PTPRG: variants seen among roughly 807,000 people sequenced by gnomAD.
The protein encoded by PTPRG is receptor-type tyrosine-protein phosphatase gamma.
A neutral mutation model predicts 165.3 loss-of-function variants in PTPRG; 102 were observed. That is an observed-to-expected ratio of 0.62 (90% CI 0.53 to 0.73). The LOEUF (loss-of-function observed/expected upper bound fraction) is 0.73. Ranked by LOEUF, PTPRG falls within the 30% of genes least tolerant of loss-of-function variation. The pLI, the probability that PTPRG is intolerant of heterozygous loss-of-function variation, is 0.00. For missense variants in PTPRG, 1,866 were observed against 1,861.4 expected, an observed-to-expected ratio of 1.00 and a Z score of -0.05; for synonymous variants, 675 against 669.5, an observed-to-expected ratio of 1.01 and a Z score of -0.13.
chr3:62,106,437 A>G (rs1702473686), intron 5 of PTPRG, among the ~76,000 whole-genome samples: 1 of 151,872 alleles, frequency 6.6e-6, no homozygotes, highest in Non-Finnish European at 1.5e-5. Context: ...GTCCTGGGGC[A>G]TTAATAGATA....
intron 5 of PTPRG, among the ~76,000 whole-genome samples, chr3:62,083,148 AGTAAAACT>A (rs1701635418): frequency 2.0e-5 from 3 of 152,236 alleles, no homozygotes; most frequent in Admixed American, 2.0e-4. Flanking sequence ...TATTTGTTAA[AGTAAAACT>A]TCTGTTCTCT....
At chr3:61,799,025 A>C (rs1311735525) in intron 2 of PTPRG, among the ~76,000 whole-genome samples, 1 of 151,912 alleles carries the variant, frequency 6.6e-6, no homozygotes, top group Non-Finnish European at 1.5e-5. Context: ...TAAACATTAA[A>C]AATTTTTTTT....
At chr3:61,854,629 G>A (rs1033674584) in intron 2 of PTPRG, among the ~76,000 whole-genome samples, 1 of 152,136 alleles carries the variant, frequency 6.6e-6, no homozygotes, top group East Asian at 1.9e-4. Flanking sequence ...CAGTCTGCTG[G>A]CTTATCAAGC....
intron 2 of PTPRG, among the ~76,000 whole-genome samples, chr3:61,961,526 T>A (rs1238510272): frequency 6.6e-6 from 1 of 152,182 alleles, no homozygotes; most frequent in Non-Finnish European, 1.5e-5. Flanking sequence ...GTCCCCTAAA[T>A]AAGAAAGTTT....
At chr3:61,611,044 C>T (rs1701153299) in intron 1 of PTPRG, among the ~76,000 whole-genome samples, 1 of 152,142 alleles carries the variant, frequency 6.6e-6, no homozygotes, top group African/African-American at 2.4e-5. Flanking sequence ...GCAAGTGATC[C>T]TCCTGTCTTG....
chr3:61,949,803 A>G (rs1200763656), intron 2 of PTPRG, among the ~76,000 whole-genome samples: 1 of 151,328 alleles, frequency 6.6e-6, no homozygotes, highest in Non-Finnish European at 1.5e-5. Flanking sequence ...GCTGGAGTGC[A>G]GTGGCGTGAT....
chr3:61,901,898 A>G (rs2038507744), intron 2 of PTPRG, among the ~76,000 whole-genome samples: 2 of 152,248 alleles, frequency 1.3e-5, no homozygotes, highest in Non-Finnish European at 2.9e-5. Context: ...TTTAATAAAA[A>G]GGATGTTTTA....
chr3:62,272,927 G>A lies in PTPRG; in HGVS notation c.3183-19G>A. 1.3e-6 allele frequency: 2 copies of A among 1,568,706 alleles called. No homozygotes were observed. The highest frequency in any genetic ancestry group is 3.4e-4 in the Middle Eastern group (2 of 5,854). ...ATGATAAAACAAAAGTGCCAGTTGA[G>A]TGTCTTCATTTCTTACAGTGCTGGT... On this transcript the variant is annotated intron_variant, in intron 21 of 29. Transcript: ENST00000474889.
chr3:61,629,946 G>A (rs1027324833), intron 1 of PTPRG, among the ~76,000 whole-genome samples: 2 of 152,202 alleles, frequency 1.3e-5, no homozygotes, highest in Admixed American at 1.3e-4. Flanking sequence ...ATATTAAAAT[G>A]TTTGTTCAAC....
At chr3:62,173,250 G>GTT (rs149228099) in intron 8 of PTPRG, among the ~76,000 whole-genome samples, 1 of 150,180 alleles carries the variant, frequency 6.7e-6, no homozygotes, top group African/African-American at 2.5e-5. Flanking sequence ...ATTTTTTATT[G>GTT]TTTTTTTTTC....
chr3:62,144,388 T>A (rs1210790868), intron 6 of PTPRG, among the ~76,000 whole-genome samples: 1 of 152,236 alleles, frequency 6.6e-6, no homozygotes, highest in Non-Finnish European at 1.5e-5. Flanking sequence ...TCAACTGAAT[T>A]AATGAGGGTT....
intron 5 of PTPRG, among the ~76,000 whole-genome samples, chr3:62,117,218 C>T (rs1040606383): frequency 2.0e-5 from 3 of 152,112 alleles, no homozygotes; most frequent in Non-Finnish European, 2.9e-5. Flanking sequence ...ATACATTTTA[C>T]AAAGGTTTCA....
intron 2 of PTPRG, among the ~76,000 whole-genome samples, chr3:61,985,724 T>A (rs1269017440): frequency 1.3e-5 from 2 of 152,206 alleles, no homozygotes; most frequent in East Asian, 3.9e-4. Context: ...CTTCTTTGAT[T>A]GACCTTCTTT....
chr3:61,894,756 T>A (rs2038306416), intron 2 of PTPRG, among the ~76,000 whole-genome samples: 1 of 152,146 alleles, frequency 6.6e-6, no homozygotes, highest in Non-Finnish European at 1.5e-5. Flanking sequence ...ATGAATCAGA[T>A]TTGAGAAGAT....
In PTPRG at chr3:62,219,517, G is replaced by A. The variant is rs910320480; in HGVS notation, c.2288+534G>A. On this transcript the variant is annotated intron_variant, in intron 13 of 29. Transcript: ENST00000474889. The surrounding 1 kb of genome is among the most constrained non-coding windows in gnomAD (Gnocchi z 4.5). The stretch of plus-strand genomic sequence containing the variant: ...TAAAATGGCAGATTGTAAGCTATCC[G>A]GATTCTCACTGCTTCTCATGGGAAG... 4.6e-5 allele frequency among the ~76,000 whole-genome samples: 7 copies of A among 152,152 alleles called. No individual in the cohort carries two copies. Among genetic ancestry groups the A allele is most frequent in the Admixed American group, 2.6e-4 (4 of 15,278 alleles).
chr3:61,954,567 T>C (rs2039991610), intron 2 of PTPRG, among the ~76,000 whole-genome samples: 1 of 152,170 alleles, frequency 6.6e-6, no homozygotes, highest in African/African-American at 2.4e-5. Flanking sequence ...ACGTTTATTC[T>C]AGCCCTGAAA....
intron 12 of PTPRG, among the ~76,000 whole-genome samples, chr3:62,215,728 C>T (rs1436174962): frequency 6.6e-6 from 1 of 152,064 alleles, no homozygotes; most frequent in Non-Finnish European, 1.5e-5. Flanking sequence ...CTGAACCTCT[C>T]TGAGAATCTA....
intron 2 of PTPRG, among the ~76,000 whole-genome samples, chr3:61,956,244 A>C (rs554538797): frequency 6.6e-6 from 1 of 151,590 alleles, no homozygotes; most frequent in South Asian, 2.1e-4. Context: ...GTATGTCCCC[A>C]TAACAGCCAG....
At chr3:61,874,799 A>G (rs1162586635) in intron 2 of PTPRG, among the ~76,000 whole-genome samples, 1 of 152,182 alleles carries the variant, frequency 6.6e-6, no homozygotes, top group Non-Finnish European at 1.5e-5. Flanking sequence ...TGAGGATGAG[A>G]CGCCCTGCCC....
Sources: gnomAD v4.1 joint callset for allele counts (sites outside exome capture counted in the v4.1 genomes callset) on GRCh38, gnomAD v4.1.1 for gene constraint, Gnocchi (gnomAD v3.1) non-coding constraint, MANE v1.5 for transcripts, NCBI Gene and HGNC (gene_info 2026-07-23, HGNC 2026-07-21) for gene names.